Variants in TBC1D8 observed in about 807,000 individuals in gnomAD.
TBC1D8 encodes the protein TBC1 domain family member 8.
TBC1D8 carries 65 observed loss-of-function variants against 118.8 expected under a neutral mutation model. The observed-to-expected ratio is 0.55, with a 90% confidence interval of 0.45 to 0.67. The LOEUF (loss-of-function observed/expected upper bound fraction) is 0.67, where lower values mean the gene tolerates loss of function less well. TBC1D8 is among the 30% of genes least tolerant of loss of function. The pLI is 0.00. For missense variants in TBC1D8, 1,376 were observed against 1,471.2 expected (o/e 0.94, Z 1.06); for synonymous variants, 566 against 595.8 (o/e 0.95, Z 0.73).
At chr2:101,038,417 T>C in intron 7 of TBC1D8, 44 bp downstream of exon 7, 2 of 1,595,888 alleles carry the variant, frequency 1.3e-6, no homozygotes, top group Non-Finnish European at 1.7e-6. Context: ...GACCACGGCC[T>C]GAGACATGAA....
At chr2:101,038,801 A>AC in intron 6 of TBC1D8, 146 bp from the exon 7 acceptor site, 1 of 893,060 alleles carries the variant, frequency 1.1e-6, no homozygotes, top group South Asian at 1.6e-5. Context: ...GGCACTGCTC[A>AC]CCCCCACCAC....
chr2:101,111,966 G>C (rs962044646), intron 1 of TBC1D8, among the ~76,000 whole-genome samples: 5 of 149,616 alleles, frequency 3.3e-5, no homozygotes. Context: ...GATTTCTGCA[G>C]TTGAGCTCCT....
intron 2 of TBC1D8, among the ~76,000 whole-genome samples, chr2:101,076,416 C>A (rs1295692405): frequency 6.6e-6 from 1 of 152,206 alleles, no homozygotes; most frequent in Non-Finnish European, 1.5e-5. Flanking sequence ...CCAGATGATA[C>A]GTGCCTCCTG....
intron 1 of TBC1D8, among the ~76,000 whole-genome samples, chr2:101,125,290 G>C (rs1043001326): frequency 1.3e-5 from 2 of 151,846 alleles, no homozygotes; most frequent in Admixed American, 1.3e-4. Context: ...GAGTACACAA[G>C]AAAAATAGTT....
intron 1 of TBC1D8, among the ~76,000 whole-genome samples, chr2:101,131,176 T>C (rs981212670): frequency 6.6e-6 from 1 of 152,206 alleles, no homozygotes; most frequent in Non-Finnish European, 1.5e-5. Flanking sequence ...TAGCTGAGAC[T>C]ATGGGCACAA....
chr2:101,025,829 C>T (rs1003749377), intron 15 of TBC1D8, among the ~76,000 whole-genome samples: 3 of 152,350 alleles, frequency 2.0e-5, no homozygotes, highest in South Asian at 4.1e-4. Context: ...CGCACCAAGT[C>T]TGTATTTATA....
In TBC1D8 at chr2:101,081,410, C is replaced by T. The variant is rs192947437; in HGVS notation, c.283+8799G>A. 2.0e-3 allele frequency among the ~76,000 whole-genome samples: 310 copies of T among 152,318 alleles called. 1 individual carries two copies. The highest frequency in any genetic ancestry group is 7.3e-3 in the African/African-American group (302 of 41,568). On this transcript the variant is annotated intron_variant, in intron 2 of 19. Transcript: ENST00000409318. ...ACCATGGGACAGACCTTACTGGCTA[C>T]ATAAAAACCTTGCACTTAAGCTACC...
At chr2:101,112,850 C>A (rs1677666357) in intron 1 of TBC1D8, among the ~76,000 whole-genome samples, 1 of 152,182 alleles carries the variant, frequency 6.6e-6, no homozygotes, top group South Asian at 2.1e-4. Flanking sequence ...TGTAATCAAA[C>A]GTAACGGCAC....
chr2:101,071,885 T>C (rs1674467205), intron 2 of TBC1D8, among the ~76,000 whole-genome samples: 1 of 152,182 alleles, frequency 6.6e-6, no homozygotes, highest in African/African-American at 2.4e-5. Flanking sequence ...TTCCAGAACG[T>C]TTTCAATTTA....
chr2:101,077,275 G>A (rs573048113), intron 2 of TBC1D8, among the ~76,000 whole-genome samples: 1 of 117,348 alleles, frequency 8.5e-6, no homozygotes, highest in Admixed American at 9.7e-5. Context: ...GACCCACCTC[G>A]GCCTCCCAAA....
chr2:101,036,044 C>T lies in TBC1D8; in HGVS notation c.1577G>A (p.Arg526Gln), dbSNP rs1292223972. The T allele has an allele frequency of 4.3e-6, 7 of 1,613,906 alleles. No homozygotes were observed. The highest frequency in any genetic ancestry group is 1.1e-5 in the South Asian group (1 of 91,084). ...LVAMGIPESL[R>Q]GRLWLLFSDA... The stretch of plus-strand genomic sequence containing the variant: ...TGAGAAGAGAAGCCAGAGTCTCCCT[C>T]GCAAAGATTCAGGGATGCCCATGGC... Residue 526 changes from arginine (R) to glutamine (Q), a missense_variant, in exon 9 of 20, where the codon CGA becomes CAA. Arg to Gln is a conservative substitution (Grantham distance 43, BLOSUM62 1). Transcript: ENST00000409318.
At chr2:101,022,185 AC>A in intron 16 of TBC1D8, 95 bp downstream of exon 16, 2 of 1,564,936 alleles carry the variant, frequency 1.3e-6, no homozygotes, top group Middle Eastern at 2.0e-4. Flanking sequence ...AAAGTGTTAC[AC>A]CATGTGCATC....
chr2:101,133,564 G>A (rs1236644326), intron 1 of TBC1D8, among the ~76,000 whole-genome samples: 2 of 152,140 alleles, frequency 1.3e-5, no homozygotes, highest in Admixed American at 1.3e-4. Context: ...TGGTGAGGGG[G>A]GTTCACAGAT....
At chr2:101,035,265 T>G (rs1432495473) in intron 9 of TBC1D8, among the ~76,000 whole-genome samples, 1 of 151,966 alleles carries the variant, frequency 6.6e-6, no homozygotes, top group Non-Finnish European at 1.5e-5. Flanking sequence ...AAAGGCACAC[T>G]CCAATGGCAG....
chr2:101,047,535 C>T (rs1429419445), intron 5 of TBC1D8, among the ~76,000 whole-genome samples: 3 of 152,224 alleles, frequency 2.0e-5, no homozygotes, highest in African/African-American at 7.2e-5. Context: ...CCTGTCTATA[C>T]CCACAGGCCC....
At chr2:101,020,430 G>A (rs7570839) in intron 17 of TBC1D8, among the ~76,000 whole-genome samples, 91,062 of 152,020 alleles carry the variant, frequency 0.6, 28,063 homozygotes, top group Middle Eastern at 0.77. Context: ...AACTCAATTT[G>A]TATTGGCATA....
chr2:101,029,681 C>G lies in TBC1D8; in HGVS notation c.2032G>C (p.Val678Leu). ...AGGGTCAGGAACCACGAGAGAGAGA[C>G]GGACGCCAGGGCTGAGAGGTCGTTC... The part of the protein sequence containing the change: ...HMNDLSALAS[V>L]SLSWFLTLFL... Residue 678 changes from valine to leucine, a missense_variant, in exon 12 of 20, where the codon GTC (valine) becomes CTC (leucine). By Grantham distance (32) the Val-to-Leu change is conservative (BLOSUM62 1). Coordinates refer to ENST00000409318, the MANE Select transcript of TBC1D8 (RefSeq NM_001330348.2). 2 of 1,614,012 alleles carry G rather than the reference C, an allele frequency of 1.2e-6. No homozygotes were observed. Among genetic ancestry groups the G allele is most frequent in the East Asian group, 2.2e-5 (1 of 44,882 alleles).
chr2:101,131,811 T>C (rs1193900380), intron 1 of TBC1D8, among the ~76,000 whole-genome samples: 1 of 151,800 alleles, frequency 6.6e-6, no homozygotes, highest in Non-Finnish European at 1.5e-5. Context: ...CGAGACTCTG[T>C]CTCAAAAAAA....
intron 2 of TBC1D8, among the ~76,000 whole-genome samples, chr2:101,066,760 C>A (rs1005339833): frequency 6.6e-6 from 1 of 152,022 alleles, no homozygotes; most frequent in African/African-American, 2.4e-5. Context: ...GCCTGGCCAA[C>A]GTGGCGAAAC....
Sources: allele counts gnomAD v4.1 joint callset (sites outside exome capture counted in the v4.1 genomes callset), GRCh38; gene constraint gnomAD v4.1.1; transcripts MANE v1.5; gene names NCBI Gene and HGNC (gene_info 2026-07-23, HGNC 2026-07-21).